Variants in DYNC1I1 observed in about 807,000 individuals in gnomAD.
DYNC1I1 encodes dynein cytoplasmic 1 intermediate chain 1.
Under a neutral mutation model 86.6 loss-of-function variants are expected in DYNC1I1, and 43 were observed. The ratio of observed to expected loss-of-function variants is 0.50; its 90% CI spans 0.39 to 0.64. The LOEUF is 0.64. DYNC1I1 is among the 30% of genes least tolerant of loss of function. The probability of loss-of-function intolerance (pLI) is 0.00; values close to 1 mark genes in which losing one functional copy is unlikely to be tolerated. For missense variants in DYNC1I1, 604 were observed against 788.8 expected (o/e 0.77, Z 2.81); for synonymous variants, 262 against 283.7 (o/e 0.92, Z 0.77).
Position 96,093,195 on chromosome 7 carries a change from G to A in DYNC1I1, c.1777-4288G>A, listed in dbSNP as rs142519340. On this transcript the variant is annotated intron_variant, in intron 16 of 16. Transcript: ENST00000447467. Reference sequence around the variant, plus strand: ...GACTGACAATTTAAAGAAAAAGAATGCATGACAATCCATGATGAACTCATA... The same window carrying A: ...GACTGACAATTTAAAGAAAAAGAATACATGACAATCCATGATGAACTCATA... 5.7e-3 allele frequency among the ~76,000 whole-genome samples: 864 copies of A among 152,244 alleles called. 6 individuals carry two copies. The highest frequency in any genetic ancestry group is 0.019 in the African/African-American group (805 of 41,564).
intron 2 of DYNC1I1, among the ~76,000 whole-genome samples, chr7:95,810,087 T>C (rs867224618): frequency 3.3e-5 from 5 of 152,152 alleles, no homozygotes; most frequent in African/African-American, 1.2e-4. Flanking sequence ...CAGAATTTTT[T>C]TTTATATTAT....
intron 6 of DYNC1I1, among the ~76,000 whole-genome samples, chr7:95,913,764 T>C (rs1726743333): frequency 6.6e-6 from 1 of 152,238 alleles, no homozygotes. Context: ...ATTATGAGTC[T>C]GATTTTTAGT....
chr7:95,785,596 G>A (rs1794109898), intron 1 of DYNC1I1, among the ~76,000 whole-genome samples: 1 of 151,596 alleles, frequency 6.6e-6, no homozygotes, highest in Non-Finnish European at 1.5e-5. Context: ...AAAACAGAGA[G>A]TAGACAAATA....
chr7:95,836,760 T>C (rs6959732), intron 5 of DYNC1I1, among the ~76,000 whole-genome samples: 95,830 of 151,788 alleles, frequency 0.63, 31,044 homozygotes, highest in African/African-American at 0.77. Context: ...TTGATTGCAT[T>C]GGCTCCTGAG....
At chr7:95,964,767 CTA>C (rs1389601412) in intron 6 of DYNC1I1, among the ~76,000 whole-genome samples, 2 of 152,106 alleles carry the variant, frequency 1.3e-5, no homozygotes, top group African/African-American at 4.8e-5. Context: ...TGGTATGTTG[CTA>C]TATTAACTGG....
Position 95,995,988 on chromosome 7 carries a change from A to G in DYNC1I1, c.884A>G (p.Asp295Gly), listed in dbSNP as rs1308814614. ...GTGGCTTCTTACAACAACAATGAAG[A>G]TGCTCCCCATGAACCAGATGGAGTG... Reference protein sequence around the residue: ...LMVASYNNNEDAPHEPDGVAL... With the variant: ...LMVASYNNNEGAPHEPDGVAL... Residue 295 changes from aspartate to glycine, a missense_variant, in exon 10 of 17, where the codon GAT (aspartate) becomes GGT (glycine). Asp to Gly is a moderately conservative substitution (Grantham distance 94). Transcript: ENST00000447467. 8.1e-6 allele frequency: 13 copies of G among 1,611,238 alleles called. No homozygotes were observed. Among genetic ancestry groups the G allele is most frequent in the Non-Finnish European group, 1.1e-5 (13 of 1,179,130 alleles).
intron 2 of DYNC1I1, among the ~76,000 whole-genome samples, chr7:95,810,168 G>A (rs780318024): frequency 3.9e-5 from 6 of 152,046 alleles, no homozygotes; most frequent in Non-Finnish European, 7.4e-5. Context: ...TTCATCCCAC[G>A]TGATAGAAGC....
At chr7:95,879,439 AAG>A (rs1790393540) in intron 6 of DYNC1I1, among the ~76,000 whole-genome samples, 1 of 152,170 alleles carries the variant, frequency 6.6e-6, no homozygotes, top group African/African-American at 2.4e-5. Flanking sequence ...TTAAATGAAA[AAG>A]AGTCTTATAT....
intron 3 of DYNC1I1, among the ~76,000 whole-genome samples, 172 bp downstream of exon 3, chr7:95,810,678 AAGG>A (rs1794810202): frequency 1.0e-5 from 1 of 96,908 alleles, no homozygotes; most frequent in Non-Finnish European, 1.9e-5. Flanking sequence ...AGGGGGCTGG[AAGG>A]AGATGGGAGG....
chr7:95,791,905 A>G (rs1055941676), intron 1 of DYNC1I1, among the ~76,000 whole-genome samples: 1 of 152,186 alleles, frequency 6.6e-6, no homozygotes, highest in African/African-American at 2.4e-5. Context: ...GCCATTCCCT[A>G]TGGGAAGAAA....
chr7:95,795,476 C>T (rs746124066), intron 1 of DYNC1I1, among the ~76,000 whole-genome samples: 4 of 152,040 alleles, frequency 2.6e-5, no homozygotes, highest in African/African-American at 4.8e-5. Flanking sequence ...GCAAAGACAG[C>T]GACTCAACCT....
intron 5 of DYNC1I1, among the ~76,000 whole-genome samples, chr7:95,845,909 G>A (rs1188586091): frequency 6.6e-6 from 1 of 152,122 alleles, no homozygotes; most frequent in Non-Finnish European, 1.5e-5. Flanking sequence ...CAAGAATCTT[G>A]AGTAAGCAAT....
In DYNC1I1 at chr7:96,004,553, T is replaced by C. The variant is rs145495011; in HGVS notation, c.969+8480T>C. Among the ~76,000 whole-genome samples the C allele has an allele frequency of 1.5e-3, 222 of 152,240 alleles. 7 individuals are homozygous for C. In the East Asian group the frequency reaches 0.037, roughly 25 times the overall value. ...GAAATTAAATTAAAATCTTTATTTC[T>C]TTAAAATGTTCATGATAAATATAGT... On this transcript the variant is annotated intron_variant, in intron 10 of 16. Transcript: ENST00000447467.
intron 14 of DYNC1I1, among the ~76,000 whole-genome samples, chr7:96,058,800 A>T (rs1311299247): frequency 1.0e-5 from 1 of 98,746 alleles, no homozygotes; most frequent in African/African-American, 4.3e-5. Context: ...TGCCTGGCTA[A>T]TTTTTTTTTT....
intron 14 of DYNC1I1, among the ~76,000 whole-genome samples, chr7:96,056,686 A>G (rs561334057): frequency 6.6e-6 from 1 of 152,012 alleles, no homozygotes; most frequent in Non-Finnish European, 1.5e-5. Flanking sequence ...TACTCTCTCT[A>G]TATATATCTA....
chr7:95,792,101 C>T (rs925959038), intron 1 of DYNC1I1, among the ~76,000 whole-genome samples: 1 of 152,196 alleles, frequency 6.6e-6, no homozygotes, highest in Non-Finnish European at 1.5e-5. Flanking sequence ...CAGTGCTAGG[C>T]ACTAAGGTAC....
chr7:95,938,217 C>T (rs1338033831), intron 6 of DYNC1I1, among the ~76,000 whole-genome samples: 1 of 152,182 alleles, frequency 6.6e-6, no homozygotes, highest in Non-Finnish European at 1.5e-5. Context: ...TTACACATAA[C>T]AAATTGGTTG....
In DYNC1I1 at chr7:95,837,342, C is replaced by T. The variant is rs986450792; in HGVS notation, c.374+9226C>T. On this transcript the variant is annotated intron_variant, in intron 5 of 16. Transcript: ENST00000447467. ...CTGCCCGTTCTCAGATCTCCAGCTG[C>T]GTACTGGAAGAACCACTGCTCTCTT... Among the ~76,000 whole-genome samples, 119 of 147,890 alleles carry T rather than the reference C, an allele frequency of 8.0e-4. 1 individual carries two copies. The highest frequency in any genetic ancestry group is 6.9e-4 in the Non-Finnish European group (46 of 66,732).
At position 96,081,079 on chromosome 7, in the gene DYNC1I1, A is replaced by AAAAAAAAAAAAAG. The variant is rs375715304; in HGVS notation, c.1776+595_1776+596insAAAAAAAAGAAAA. Among the ~76,000 whole-genome samples the AAAAAAAAAAAAAG allele has an allele frequency of 2.4e-3, 327 of 133,610 alleles. 21 individuals carry two copies. The highest frequency in any genetic ancestry group is 9.0e-3 in the African/African-American group (301 of 33,546). 87.7% of individuals were successfully genotyped at this position (133,610 alleles called of 152,430 possible). A position where few individuals can be genotyped will look rare whatever the true frequency, so the allele number is the denominator to read the frequency against. On this transcript the variant is annotated intron_variant, in intron 16 of 16. Coordinates refer to ENST00000447467, the MANE Select transcript of DYNC1I1 (RefSeq NM_001135556.2). ...AGAGACTCCATCTCAAAAAAAAAAGAAAAAGAAAAGAAAAGAAAAGTTTGC... is the reference window on the plus strand; with the variant it reads ...AGAGACTCCATCTCAAAAAAAAAAGAAAAAAAAAAAAAGAAAAGAAAAGAAAAGAAAAGTTTGC...
Sources: allele counts gnomAD v4.1 joint callset (sites outside exome capture counted in the v4.1 genomes callset), GRCh38; gene constraint gnomAD v4.1.1; transcripts MANE v1.5; gene names NCBI Gene and HGNC (gene_info 2026-07-23, HGNC 2026-07-21).